The following NDUFAF6 variants were observed in gnomAD, a reference collection of about 807,000 sequenced individuals.
The protein encoded by NDUFAF6 is NADH:ubiquinone oxidoreductase complex assembly factor 6.
Under a neutral mutation model 40.8 loss-of-function variants are expected in NDUFAF6, and 45 were observed. The observed-to-expected ratio is 1.10, with a 90% CI of 0.87 to 1.42. The LOEUF (loss-of-function observed/expected upper bound fraction) is 1.42. Among genes scored for constraint, NDUFAF6 ranks in the 40% most tolerant of loss-of-function variants. The pLI is 0.00. For missense variants in NDUFAF6, 435 were observed against 418.5 expected (o/e 1.04, Z -0.34); for synonymous variants, 185 against 155.9 (o/e 1.19, Z -1.39).
intron 1 of NDUFAF6, among the ~76,000 whole-genome samples, chr8:94,904,938 G>T (rs554383229): frequency 2.0e-5 from 3 of 152,274 alleles, no homozygotes; most frequent in African/African-American, 7.2e-5. Flanking sequence ...GGTGGCTCAT[G>T]CCTGTAATCC....
At chr8:94,898,225 C>T (rs1014187295) in intron 1 of NDUFAF6, among the ~76,000 whole-genome samples, 2 of 152,156 alleles carry the variant, frequency 1.3e-5, no homozygotes, top group Non-Finnish European at 2.9e-5. Context: ...TTATTATTAA[C>T]TAAAGTCCAT....
chr8:95,036,460 A>C (rs746211892), intron 3 of NDUFAF6: 1 of 1,289,406 alleles, frequency 7.8e-7, no homozygotes. Flanking sequence ...GAACCCCCCA[A>C]CTGGGGATTG....
At chr8:95,053,925 CTTTTTTTTTTT>C (rs71273448) in intron 8 of NDUFAF6, among the ~76,000 whole-genome samples, 7 of 37,040 alleles carry the variant, frequency 1.9e-4, no homozygotes, top group Non-Finnish European at 3.0e-4. Flanking sequence ...CCGTGCCCGG[CTTTTTTTTTTT>C]TTTTTTTTTT....
At chr8:94,907,157 T>A (rs182192116) in intron 1 of NDUFAF6, among the ~76,000 whole-genome samples, 1 of 151,124 alleles carries the variant, frequency 6.6e-6, no homozygotes, top group East Asian at 1.9e-4. Flanking sequence ...CTGCGGTTAC[T>A]CTAGCCAGAA....
chr8:94,924,336 A>G (rs902743944), intron 1 of NDUFAF6, among the ~76,000 whole-genome samples: 5 of 152,232 alleles, frequency 3.3e-5, no homozygotes, highest in African/African-American at 1.2e-4. Context: ...CTGGGATTAC[A>G]GGCATGAGCC....
intron 2 of NDUFAF6, among the ~76,000 whole-genome samples, chr8:95,089,149 C>T (rs1427275771): frequency 6.6e-6 from 1 of 152,170 alleles, no homozygotes; most frequent in Non-Finnish European, 1.5e-5. Context: ...CAACCTCTGC[C>T]TCCCAGGCTC....
At chr8:94,937,134 T>C (rs888666077) in intron 1 of NDUFAF6, among the ~76,000 whole-genome samples, 5 of 152,144 alleles carry the variant, frequency 3.3e-5, no homozygotes, top group Non-Finnish European at 5.9e-5. Flanking sequence ...TGGATGTGGA[T>C]AGTTAACTGT....
intron 2 of NDUFAF6, among the ~76,000 whole-genome samples, chr8:94,987,365 C>G (rs1825967413): frequency 6.6e-6 from 1 of 152,090 alleles, no homozygotes; most frequent in African/African-American, 2.4e-5. Flanking sequence ...GTTTCCAGTC[C>G]CTTCAGAAAT....
chr8:94,981,320 A>G (rs1359635364), intron 2 of NDUFAF6, among the ~76,000 whole-genome samples: 1 of 152,222 alleles, frequency 6.6e-6, no homozygotes, highest in African/African-American at 2.4e-5. Flanking sequence ...CACCAGATGC[A>G]GCTGCCTGAT....
At chr8:94,905,651 C>T (rs1818348154) in intron 1 of NDUFAF6, among the ~76,000 whole-genome samples, 1 of 152,226 alleles carries the variant, frequency 6.6e-6, no homozygotes, top group Non-Finnish European at 1.5e-5. Context: ...CCCAAAGCTA[C>T]CTGGGTGCCC....
chr8:94,950,060 G>T (rs1018724080), intron 2 of NDUFAF6: 5 of 152,224 alleles, frequency 3.3e-5, no homozygotes, highest in African/African-American at 9.7e-5. Flanking sequence ...AAGGGACTGC[G>T]AGACCAGGCC....
At chr8:94,914,804 C>A (rs962247261) in intron 1 of NDUFAF6, among the ~76,000 whole-genome samples, 1 of 151,406 alleles carries the variant, frequency 6.6e-6, no homozygotes, top group Non-Finnish European at 1.5e-5. Context: ...GTAATCCCAG[C>A]TACCTGGGAG....
chr8:95,048,279 C>T (rs1215852101), intron 6 of NDUFAF6, among the ~76,000 whole-genome samples, 178 bp from the exon 7 acceptor site: 3 of 152,116 alleles, frequency 2.0e-5, no homozygotes, highest in Admixed American at 6.5e-5. Context: ...TGCACACACA[C>T]GCACGTGCTC....
At chr8:95,059,606 T>G (rs1587208980), downstream of NDUFAF6, among the ~76,000 whole-genome samples, 1 of 152,088 alleles carries the variant, frequency 6.6e-6, no homozygotes, top group African/African-American at 2.4e-5. Context: ...CCCAACACTT[T>G]GGGAGGCTGA....
intron 2 of NDUFAF6, among the ~76,000 whole-genome samples, chr8:94,949,583 G>A (rs1822382532): frequency 6.6e-6 from 1 of 152,018 alleles, no homozygotes; most frequent in Non-Finnish European, 1.5e-5. Context: ...TGAGCGTGAA[G>A]GCCTGGGCGA....
chr8:95,029,844 T>C (rs1828623501), intron 1 of NDUFAF6, among the ~76,000 whole-genome samples: 1 of 152,216 alleles, frequency 6.6e-6, no homozygotes, highest in Non-Finnish European at 1.5e-5. Flanking sequence ...TTTGTCCTAT[T>C]ATTATGATGT....
At chr8:95,015,944 A>G (rs1827426909) in intron 2 of NDUFAF6, among the ~76,000 whole-genome samples, 2 of 152,194 alleles carry the variant, frequency 1.3e-5, no homozygotes, top group South Asian at 4.1e-4. Flanking sequence ...GGCAGAGGAA[A>G]TGACATACGC....
intron 2 of NDUFAF6, chr8:95,087,604 C>T (rs1282037914): frequency 6.6e-6 from 1 of 152,222 alleles, no homozygotes; most frequent in Non-Finnish European, 1.5e-5. Flanking sequence ...TCCTCCTTTC[C>T]AAAAGCACTT....
intron 2 of NDUFAF6, among the ~76,000 whole-genome samples, chr8:95,001,207 T>G (rs1586941141): frequency 6.6e-6 from 1 of 152,214 alleles, no homozygotes; most frequent in African/African-American, 2.4e-5. Flanking sequence ...CCTCCCTACT[T>G]GGCCCCAAAG....
Sources: allele counts gnomAD v4.1 joint callset (sites outside exome capture counted in the v4.1 genomes callset), GRCh38; gene constraint gnomAD v4.1.1; transcripts MANE v1.5; gene names NCBI Gene and HGNC (gene_info 2026-07-23, HGNC 2026-07-21).